SYK: variants seen among roughly 807,000 people sequenced by gnomAD.
SYK encodes the protein tyrosine-protein kinase SYK.
Under a neutral mutation model 77.8 loss-of-function variants are expected in SYK, and 16 were observed. The observed-to-expected ratio is 0.21, with a 90% CI of 0.14 to 0.31. The LOEUF (loss-of-function observed/expected upper bound fraction) is 0.31. SYK is among the 10% of genes least tolerant of loss of function. SYK has a pLI of 1.00. For synonymous variants in SYK, 312 were observed against 308.7 expected, an observed-to-expected ratio of 1.01 and a Z score of -0.11; for missense variants, 529 against 814.4, an observed-to-expected ratio of 0.65 and a Z score of 4.26.
At chr9:90,817,845 TTGTGTG>T (rs746939088) in intron 1 of SYK, among the ~76,000 whole-genome samples, 37 of 137,654 alleles carry the variant, frequency 2.7e-4, no homozygotes, top group South Asian at 1.9e-3. Context: ...CTCAATAATG[TTGTGTG>T]TGTGTGTGTG....
intron 1 of SYK, among the ~76,000 whole-genome samples, chr9:90,815,754 G>A (rs1415642396): frequency 6.6e-5 from 10 of 152,228 alleles, no homozygotes; most frequent in Admixed American, 4.6e-4. Flanking sequence ...ATAGTCCCAC[G>A]TGAAAAGGGG....
At chr9:90,861,723 C>T (rs1300936143) in intron 3 of SYK, among the ~76,000 whole-genome samples, 1 of 152,166 alleles carries the variant, frequency 6.6e-6, no homozygotes, top group African/African-American at 2.4e-5. Flanking sequence ...AAAATGCCCA[C>T]CAAACACCCC....
chr9:90,892,794 A>G (rs1480751501), intron 13 of SYK, among the ~76,000 whole-genome samples: 1 of 152,216 alleles, frequency 6.6e-6, no homozygotes, highest in Non-Finnish European at 1.5e-5. Context: ...CCAGCCCTCC[A>G]GTGGGGGCCT....
chr9:90,857,898 G>GT (rs1827102181), intron 3 of SYK, among the ~76,000 whole-genome samples: 2 of 151,940 alleles, frequency 1.3e-5, no homozygotes, highest in Admixed American at 6.6e-5. Flanking sequence ...CCTTCCCCTT[G>GT]TATGAGTCTG....
chr9:90,842,182 G>A (rs1443906922), intron 1 of SYK, among the ~76,000 whole-genome samples: 3 of 151,480 alleles, frequency 2.0e-5, no homozygotes, highest in African/African-American at 7.3e-5. Context: ...TGTGTGTGGT[G>A]TGTATGTAGT....
chr9:90,847,867 G>A (rs1297233067), intron 3 of SYK, among the ~76,000 whole-genome samples: 1 of 152,194 alleles, frequency 6.6e-6, no homozygotes, highest in Non-Finnish European at 1.5e-5. Context: ...TCTCCATCAT[G>A]AGCACCAGGA....
At chr9:90,880,649 T>C (rs1828115433) in intron 11 of SYK, among the ~76,000 whole-genome samples, 1 of 152,200 alleles carries the variant, frequency 6.6e-6, no homozygotes, top group Non-Finnish European at 1.5e-5. Context: ...GGGCACCTTA[T>C]CCACTGCTGT....
chr9:90,886,971 C>T (rs1029167927), intron 11 of SYK, among the ~76,000 whole-genome samples: 1 of 152,030 alleles, frequency 6.6e-6, no homozygotes. Context: ...TTAGGGTACA[C>T]CCTATGTAAA....
intron 1 of SYK, among the ~76,000 whole-genome samples, chr9:90,825,070 T>C (rs7871673): frequency 0.018 from 2,794 of 151,282 alleles, 36 homozygotes; most frequent in Middle Eastern, 0.031. Context: ...TAGTTAACTA[T>C]TGAAATTTGA....
At chr9:90,877,840 T>G in intron 10 of SYK, 60 bp downstream of exon 10, 1 of 1,572,266 alleles carries the variant, frequency 6.4e-7, no homozygotes, top group Non-Finnish European at 8.7e-7. Context: ...GGCCCACCCC[T>G]GGATGGGCCG....
In SYK at chr9:90,827,879, A is replaced by G. The variant is rs73503984; in HGVS notation, c.-41-15979A>G. Reference sequence around the variant, plus strand: ...TTATGTCTCAGGTTTATGAAAGACAATTATAAAATCTCAGGAGACCATCAT... The same window carrying G: ...TTATGTCTCAGGTTTATGAAAGACAGTTATAAAATCTCAGGAGACCATCAT... On this transcript the variant is annotated intron_variant, in intron 1 of 13. Transcript: ENST00000375754. Among the ~76,000 whole-genome samples, 714 of 152,368 alleles carry G rather than the reference A, an allele frequency of 4.7e-3. 7 individuals carry two copies. Among genetic ancestry groups the G allele is most frequent in the African/African-American group, 0.016 (682 of 41,584 alleles).
chr9:90,874,023 C>A (rs893649346), intron 7 of SYK, among the ~76,000 whole-genome samples, 181 bp from the exon 8 acceptor site: 5 of 152,146 alleles, frequency 3.3e-5, no homozygotes. Flanking sequence ...CTTGCAAGAT[C>A]CAAATAATTG....
At chr9:90,870,087 C>A (rs1827670518) in intron 7 of SYK, among the ~76,000 whole-genome samples, 1 of 151,924 alleles carries the variant, frequency 6.6e-6, no homozygotes, top group Non-Finnish European at 1.5e-5. Flanking sequence ...GGAGACAGAG[C>A]AAGACTCTGT....
chr9:90,845,216 G>A (rs1009600738), intron 2 of SYK, among the ~76,000 whole-genome samples: 5 of 152,178 alleles, frequency 3.3e-5, no homozygotes, highest in African/African-American at 9.7e-5. Context: ...GATTATAAGC[G>A]TGAGCCACCG....
chr9:90,893,923 C>T (rs1828888533), intron 13 of SYK, among the ~76,000 whole-genome samples: 1 of 152,182 alleles, frequency 6.6e-6, no homozygotes, highest in African/African-American at 2.4e-5. Context: ...GCTGGGCACG[C>T]AAGGGCACTG....
At chr9:90,874,320 T>A (rs200687188) in intron 8 of SYK, 29 bp downstream of exon 8, 5 of 1,608,894 alleles carry the variant, frequency 3.1e-6, no homozygotes, top group Non-Finnish European at 4.3e-6. Flanking sequence ...CAAGGGACAT[T>A]CACAGAGCAA....
rs193300861 is a variant in SYK, at chr9:90,823,588, A to G, written c.-41-20270A>G. On this transcript the variant is annotated intron_variant, in intron 1 of 13. Coordinates refer to ENST00000375754, the MANE Select transcript of SYK (RefSeq NM_003177.7). ...TAAACTAGATATCAACAACAAAAAGATGGAGGTTTTGGGAAATTTCCCAAA... is the reference window on the plus strand; with the variant it reads ...TAAACTAGATATCAACAACAAAAAGGTGGAGGTTTTGGGAAATTTCCCAAA... 1.9e-4 allele frequency among the ~76,000 whole-genome samples: 29 copies of G among 152,318 alleles called. No individual in the cohort carries two copies. In the East Asian group the frequency reaches 5.6e-3, roughly 29 times the overall value.
rs1339402877 is a variant in SYK, at chr9:90,884,665, A to G, written c.1582-3084A>G. ...TATATACACATATACACATATGTGTACATGTACATATATACACATATACAC... is the reference window on the plus strand; with the variant it reads ...TATATACACATATACACATATGTGTGCATGTACATATATACACATATACAC... On this transcript the variant is annotated intron_variant, in intron 11 of 13. Coordinates refer to ENST00000375754, the MANE Select transcript of SYK (RefSeq NM_003177.7). 8.3e-5 allele frequency among the ~76,000 whole-genome samples: 5 copies of G among 60,074 alleles called. 1 individual carries two copies. Among genetic ancestry groups the G allele is most frequent in the African/African-American group, 2.2e-4 (3 of 13,522 alleles). 39.4% of individuals were successfully genotyped at this position (60,074 alleles called of 152,430 possible).
At chr9:90,855,772 C>T (rs186435806) in intron 3 of SYK, among the ~76,000 whole-genome samples, 188 of 151,886 alleles carry the variant, frequency 1.2e-3, no homozygotes, top group Non-Finnish European at 1.9e-3. Context: ...GCACAGATGT[C>T]TGCGTTCCAT....
Sources: allele counts gnomAD v4.1 joint callset (sites outside exome capture counted in the v4.1 genomes callset), GRCh38; gene constraint gnomAD v4.1.1; transcripts MANE v1.5; gene names NCBI Gene and HGNC (gene_info 2026-07-23, HGNC 2026-07-21).